Variants in WWOX observed in about 807,000 individuals in gnomAD.
WWOX encodes WW domain-containing oxidoreductase.
Under a neutral mutation model 46.2 loss-of-function variants are expected in WWOX, and 69 were observed. The observed-to-expected ratio is 1.49, with a 90% confidence interval of 1.23 to 1.82. The LOEUF is 1.82. WWOX is among the 40% of genes most tolerant of loss of function. The pLI is 0.00. For missense variants in WWOX, 919 were observed against 542.6 expected, an observed-to-expected ratio of 1.69 and a Z score of -6.89; for synonymous variants, 359 against 202.6, an observed-to-expected ratio of 1.77 and a Z score of -6.56.
chr16:79,031,468 C>G (rs1312522883), intron 8 of WWOX, among the ~76,000 whole-genome samples: 1 of 151,694 alleles, frequency 6.6e-6, no homozygotes, highest in Non-Finnish European at 1.5e-5. Flanking sequence ...TTTTGTGGGT[C>G]CATGTTAATG....
At chr16:78,764,740 A>T (rs185366790) in intron 8 of WWOX, among the ~76,000 whole-genome samples, 2 of 151,636 alleles carry the variant, frequency 1.3e-5, no homozygotes, top group African/African-American at 4.8e-5. Context: ...TAAGGCTGTG[A>T]GGATTCAATG....
chr16:78,638,598 T>C (rs1395540422), intron 8 of WWOX, among the ~76,000 whole-genome samples: 4 of 152,164 alleles, frequency 2.6e-5, no homozygotes, highest in African/African-American at 7.2e-5. Context: ...GCAGTGCCAC[T>C]TGACACCAGA....
At position 78,157,069 on chromosome 16, in the gene WWOX, C is replaced by CT. The variant is rs971631456; in HGVS notation, c.410-7104dup. 2.0e-3 allele frequency among the ~76,000 whole-genome samples: 294 copies of CT among 150,084 alleles called. 2 individuals carry two copies. Among genetic ancestry groups the CT allele is most frequent in the African/African-American group, 6.7e-3 (275 of 40,966 alleles). ...TACTCTCATTTCCACTCTCTTACAT[C>CT]TTTTTTTTTTCTTTTAATACCCTGT... On this transcript the variant is annotated intron_variant, in intron 4 of 8. Transcript: ENST00000566780.
At chr16:78,185,191 G>A (rs1162718610) in intron 5 of WWOX, among the ~76,000 whole-genome samples, 6 of 152,192 alleles carry the variant, frequency 3.9e-5, no homozygotes, top group Admixed American at 1.3e-4. Context: ...ATAGAGGGAG[G>A]CCGAGAACTG....
intron 8 of WWOX, among the ~76,000 whole-genome samples, chr16:78,987,900 C>T (rs2046812198): frequency 6.6e-6 from 1 of 152,102 alleles, no homozygotes; most frequent in South Asian, 2.1e-4. Flanking sequence ...CCGGTGAAAC[C>T]ACAGGTCTCG....
intron 8 of WWOX, among the ~76,000 whole-genome samples, chr16:78,781,343 T>A (rs1264949183): frequency 6.6e-6 from 1 of 152,150 alleles, no homozygotes. Flanking sequence ...GTGTTTGAGA[T>A]CTCAGAAATC....
rs973390347 is a variant in WWOX, at chr16:79,124,508, C to G, written c.1057-87100C>G. On this transcript the variant is annotated intron_variant, in intron 8 of 8. Transcript: ENST00000566780. Reference sequence around the variant, plus strand: ...AAAGGCGGCTCTGTCTGACCTGTCACGTTAGGACTGAGTTCATTCTTGTTC... The same window carrying G: ...AAAGGCGGCTCTGTCTGACCTGTCAGGTTAGGACTGAGTTCATTCTTGTTC... Among the ~76,000 whole-genome samples the G allele has an allele frequency of 2.0e-5, 3 of 152,132 alleles. No homozygotes were observed. The East Asian group carries it at 5.8e-4, about 29-fold the overall frequency.
At chr16:78,691,216 T>A in intron 8 of WWOX, 1 of 702,138 alleles carries the variant, frequency 1.4e-6, no homozygotes, top group Non-Finnish European at 2.6e-6. Context: ...GAATTTTAGC[T>A]ATGCTTCTCT....
At chr16:79,050,476 C>T (rs1392796949) in intron 8 of WWOX, among the ~76,000 whole-genome samples, 1 of 152,190 alleles carries the variant, frequency 6.6e-6, no homozygotes, top group Non-Finnish European at 1.5e-5. Flanking sequence ...AACTGGCATA[C>T]CCATTCCTCT....
chr16:79,197,815 C>T (rs1294206763), intron 8 of WWOX, among the ~76,000 whole-genome samples: 5 of 152,104 alleles, frequency 3.3e-5, no homozygotes, highest in Non-Finnish European at 5.9e-5. Flanking sequence ...TTCATCCCAC[C>T]ATGATGATGG....
chr16:79,082,295 C>A (rs1034234821), intron 8 of WWOX, among the ~76,000 whole-genome samples: 4 of 152,098 alleles, frequency 2.6e-5, no homozygotes, highest in Admixed American at 2.6e-4. Context: ...GATTTGAGAC[C>A]CGTTTCTGCT....
At chr16:78,418,910 C>G (rs577335409) in intron 6 of WWOX, among the ~76,000 whole-genome samples, 47 of 152,098 alleles carry the variant, frequency 3.1e-4, no homozygotes, top group Middle Eastern at 3.4e-3. Context: ...ACTCTCATCA[C>G]TTTAATATTC....
intron 8 of WWOX, among the ~76,000 whole-genome samples, chr16:78,442,904 C>CCT: frequency 6.6e-6 from 1 of 151,930 alleles, no homozygotes; most frequent in African/African-American, 2.4e-5. Flanking sequence ...GGGCGAATCA[C>CCT]GAGGTCAGGA....
At chr16:78,866,926 C>G (rs1339767618) in intron 8 of WWOX, among the ~76,000 whole-genome samples, 1 of 152,200 alleles carries the variant, frequency 6.6e-6, no homozygotes, top group East Asian at 1.9e-4. Context: ...TGGTCTGAAG[C>G]TTCAAATATG....
chr16:78,686,857 G>T (rs2142251762), intron 8 of WWOX, among the ~76,000 whole-genome samples: 2 of 152,298 alleles, frequency 1.3e-5, no homozygotes, highest in African/African-American at 4.8e-5. Context: ...CACCCAGGAA[G>T]GCAGTGTTCT....
chr16:79,153,511 C>T (rs1452883637), intron 8 of WWOX, among the ~76,000 whole-genome samples: 2 of 152,140 alleles, frequency 1.3e-5, no homozygotes, highest in Non-Finnish European at 2.9e-5. Flanking sequence ...TGGAGAACAG[C>T]CCACGGCAAT....
At chr16:78,144,468 CATAT>C (rs1215805172) in intron 4 of WWOX, among the ~76,000 whole-genome samples, 402 of 14,420 alleles carry the variant, frequency 0.028, 62 homozygotes, top group African/African-American at 0.1. Context: ...TATATACACA[CATAT>C]ATATATATAT....
At chr16:78,758,404 C>G (rs2049710472) in intron 8 of WWOX, among the ~76,000 whole-genome samples, 1 of 152,168 alleles carries the variant, frequency 6.6e-6, no homozygotes, top group South Asian at 2.1e-4. Flanking sequence ...AACTATGTCA[C>G]CAAAATTATT....
intron 8 of WWOX, among the ~76,000 whole-genome samples, chr16:79,021,696 AC>A (rs1331793759): frequency 2.6e-5 from 4 of 152,230 alleles, no homozygotes; most frequent in Non-Finnish European, 5.9e-5. Flanking sequence ...TGCCTAAATG[AC>A]AGTAATGCTA....
Sources: gnomAD v4.1 joint callset for allele counts (sites outside exome capture counted in the v4.1 genomes callset) on GRCh38, gnomAD v4.1.1 for gene constraint, MANE v1.5 for transcripts, NCBI Gene and HGNC (gene_info 2026-07-23, HGNC 2026-07-21) for gene names.